ZNF354C: variants seen among roughly 807,000 people sequenced by gnomAD.
ZNF354C encodes KRAB-zinc finger protein synten.
A neutral mutation model predicts 12.4 loss-of-function variants in ZNF354C; 7 were observed. That is an observed-to-expected ratio of 0.56 (90% CI 0.32 to 1.06). ZNF354C has a LOEUF of 1.06. ZNF354C is among the 50% of genes least tolerant of loss of function. ZNF354C has a pLI of 0.04. For synonymous variants in ZNF354C, 202 were observed against 224.5 expected, an observed-to-expected ratio of 0.90 and a Z score of 0.90; for missense variants, 609 against 658.0, an observed-to-expected ratio of 0.93 and a Z score of 0.81.
At chr5:179,073,011 C>CA (rs1311000406) in intron 2 of ZNF354C, among the ~76,000 whole-genome samples, 2 of 151,804 alleles carry the variant, frequency 1.3e-5, no homozygotes, top group Non-Finnish European at 1.5e-5. Context: ...AGAGAAATCA[C>CA]AAAAAACAAA....
In ZNF354C at chr5:179,079,191, C is replaced by T. The variant is rs1450595105; in HGVS notation, c.759C>T (p.Phe253=). 6.2e-7 allele frequency: 1 copy of T among 1,613,908 alleles called. No homozygotes were observed. The highest frequency in any genetic ancestry group is 2.2e-5 in the East Asian group (1 of 44,882). Residue 253 remains phenylalanine (F), a synonymous_variant, in exon 5 of 5, where the codon TTC becomes TTT. Transcript: ENST00000315475. This position sits in a 1 kb window ranked among gnomAD's most constrained non-coding sequence, Gnocchi z 4.2. The part of the protein sequence containing the change: ...PYKCNECEKT[F]SHRSSLLSHQ... ...AATGTAATGAGTGTGAAAAAACCTT[C>T]AGCCACAGATCATCCCTTCTTTCTC...
chr5:179,072,155 C>T (rs1005509527), intron 2 of ZNF354C, among the ~76,000 whole-genome samples: 23 of 152,008 alleles, frequency 1.5e-4, no homozygotes, highest in African/African-American at 5.1e-4. Context: ...ACTACTATAA[C>T]TGTGCTCAAG....
At chr5:179,073,816 T>G (rs1359320380) in intron 2 of ZNF354C, among the ~76,000 whole-genome samples, 1 of 151,692 alleles carries the variant, frequency 6.6e-6, no homozygotes, top group Non-Finnish European at 1.5e-5. Flanking sequence ...CAACCAAGCC[T>G]GGCTAATTTT....
chr5:179,067,338 A>C (rs986948777), intron 2 of ZNF354C, among the ~76,000 whole-genome samples: 1 of 152,342 alleles, frequency 6.6e-6, no homozygotes, highest in East Asian at 1.9e-4. Flanking sequence ...ACTAGGCTCC[A>C]AAAGTGAGCA....
intron 3 of ZNF354C, 51 bp from the exon 4 acceptor site, chr5:179,077,020 G>T: frequency 1.3e-6 from 2 of 1,511,712 alleles, no homozygotes; most frequent in South Asian, 2.3e-5. Flanking sequence ...TCAGTTCTAG[G>T]ATTGGTCTTC....
Position 179,078,971 on chromosome 5 carries a change from G to C in ZNF354C, c.539G>C (p.Ser180Thr). 1 of 1,614,006 alleles carries C rather than the reference G, an allele frequency of 6.2e-7. No individual in the cohort carries two copies. The highest frequency in any genetic ancestry group is 8.5e-7 in the Non-Finnish European group (1 of 1,179,990). Residue 180 changes from serine (S) to threonine (T), a missense_variant, in exon 5 of 5, where the codon AGT becomes ACT. Physicochemically the swap from Ser to Thr is moderately conservative, Grantham distance 58. Transcript: ENST00000315475. ...FTNTALVTQQ[S>T]VPIERIPNMY... ...AATACAGCTCTTGTCACACAACAGA[G>C]TGTTCCTATAGAAAGGATACCCAAT...
At position 179,080,308 on chromosome 5, in the gene ZNF354C, T is replaced by A. The variant is rs1402517821; in HGVS notation, c.*211T>A. 1 of 331,078 alleles carries A rather than the reference T, an allele frequency of 3.0e-6. No individual in the cohort carries two copies. The highest frequency in any genetic ancestry group is 2.1e-5 in the African/African-American group (1 of 46,838). 20.5% of individuals were successfully genotyped at this position (331,078 alleles called of 1,614,324 possible). On this transcript the variant is annotated 3_prime_UTR_variant, in exon 5 of 5. Coordinates refer to ENST00000315475, the MANE Select transcript of ZNF354C (RefSeq NM_014594.3). ...ATAAATTCTAAGGTATCTAAAAACC[T>A]ATGAGTATTTAATTCATAGAAAAAA...
chr5:179,061,920 T>C (rs1761899434), intron 1 of ZNF354C, 95 bp from the exon 2 acceptor site: 2 of 865,142 alleles, frequency 2.3e-6, no homozygotes, highest in Non-Finnish European at 3.9e-6. Context: ...GGTGGCTTTT[T>C]TGAGACCTGA....
intron 2 of ZNF354C, 122 bp from the exon 3 acceptor site, chr5:179,076,323 A>G: frequency 2.1e-6 from 3 of 1,447,794 alleles, no homozygotes. Context: ...AAAATTACGT[A>G]AACAGTTGAC....
rs1333119256 is a variant in ZNF354C, at chr5:179,081,578, TG to T, written c.*1483del. On this transcript the variant is annotated 3_prime_UTR_variant, in exon 5 of 5. Coordinates refer to ENST00000315475, the MANE Select transcript of ZNF354C (RefSeq NM_014594.3). ...CAGTATAGTATATTTCTTAACCGAC[TG>T]GTTTTAGCTTATCAGAAAGTAATTA... The T allele has an allele frequency of 6.6e-6, 1 of 152,222 alleles. No individual in the cohort carries two copies. The allele number at this position is 152,222 out of a possible 1,614,324, so 9.4% of individuals were successfully genotyped here. A position where few individuals can be genotyped will look rare whatever the true frequency, so the allele number is the denominator to read the frequency against.
chr5:179,077,546 G>A (rs941520547), intron 4 of ZNF354C, among the ~76,000 whole-genome samples: 1 of 152,140 alleles, frequency 6.6e-6, no homozygotes, highest in Non-Finnish European at 1.5e-5. Flanking sequence ...TACAAAGAGA[G>A]TGCAGTCTTT....
In ZNF354C at chr5:179,082,448, G is replaced by T; in HGVS notation, c.*2351G>T. On this transcript the variant is annotated 3_prime_UTR_variant, in exon 5 of 5. Coordinates refer to ENST00000315475, the MANE Select transcript of ZNF354C (RefSeq NM_014594.3). ...GAAATAAATAGACAAGTCCAGAGTT[G>T]GTATAGGACAACTGGACTTTTTTTT... 1 of 502,818 alleles carries T rather than the reference G, an allele frequency of 2.0e-6. No individual in the cohort carries two copies. Among genetic ancestry groups the T allele is most frequent in the Non-Finnish European group, 3.5e-6 (1 of 284,188 alleles). 31.1% of individuals were successfully genotyped at this position (502,818 alleles called of 1,614,324 possible).
At chr5:179,065,062 A>C (rs1441100268) in intron 2 of ZNF354C, among the ~76,000 whole-genome samples, 1 of 152,174 alleles carries the variant, frequency 6.6e-6, no homozygotes. Context: ...GTATTTTTAA[A>C]AAGAATAATC....
In ZNF354C at chr5:179,081,082, G is replaced by T. The variant is rs1168195494; in HGVS notation, c.*985G>T. ...CATTATAGGCTCGTTTCCAACCTGA[G>T]GTCCCAAGAGTACTATTTGTTTTGT... On this transcript the variant is annotated 3_prime_UTR_variant, in exon 5 of 5. Coordinates refer to ENST00000315475, the MANE Select transcript of ZNF354C (RefSeq NM_014594.3). 2 of 152,068 alleles carry T rather than the reference G, an allele frequency of 1.3e-5. No homozygotes were observed. The highest frequency in any genetic ancestry group is 1.3e-4 in the Admixed American group (2 of 15,254). The allele number at this position is 152,068 out of a possible 1,614,324, so 9.4% of individuals were successfully genotyped here. A position where few individuals can be genotyped will look rare whatever the true frequency, so the allele number is the denominator to read the frequency against.
intron 2 of ZNF354C, among the ~76,000 whole-genome samples, chr5:179,072,674 C>A (rs1489307596): frequency 2.0e-5 from 3 of 151,990 alleles, no homozygotes; most frequent in Non-Finnish European, 4.4e-5. Context: ...AGAATGCAAG[C>A]CACATACCTA....
intron 2 of ZNF354C, among the ~76,000 whole-genome samples, chr5:179,065,412 GTTTTTGTT>G (rs1218368107): frequency 3.0e-4 from 46 of 151,522 alleles, no homozygotes; most frequent in Admixed American, 2.6e-3. Context: ...TTTTGTTTTT[GTTTTTGTT>G]TTTTTGTTTT....
intron 1 of ZNF354C, among the ~76,000 whole-genome samples, chr5:179,061,715 A>G (rs1272215856): frequency 2.6e-5 from 4 of 152,030 alleles, no homozygotes; most frequent in Non-Finnish European, 5.9e-5. Context: ...CTGGATATTC[A>G]TTGCGACTTT....
Position 179,078,856 on chromosome 5 carries a change from C to T in ZNF354C, c.424C>T (p.Pro142Ser). The stretch of plus-strand genomic sequence containing the variant: ...GATAGAAGAAGAGCAAGAGAAGAAA[C>T]CTCTTAGACAAATGATAGATTCGCA... ...SEIEEEQEKK[P>S]LRQMIDSHEK... The change falls in exon 5 of 5, where the codon CCT (proline) becomes TCT (serine). Residue 142 changes from proline (P) to serine (S), a missense_variant. By Grantham distance (74) the Pro-to-Ser change is moderately conservative (BLOSUM62 -1). Coordinates refer to ENST00000315475, the MANE Select transcript of ZNF354C (RefSeq NM_014594.3). 6.2e-7 allele frequency: 1 copy of T among 1,614,024 alleles called. No homozygotes were observed.
intron 2 of ZNF354C, among the ~76,000 whole-genome samples, chr5:179,063,296 C>G (rs34775245): frequency 4.6e-5 from 7 of 152,182 alleles, no homozygotes; most frequent in Non-Finnish European, 1.0e-4. Context: ...CAGTAGCTCA[C>G]GCCTATAATC....
Sources: gnomAD v4.1 joint callset for allele counts (sites outside exome capture counted in the v4.1 genomes callset) on GRCh38, gnomAD v4.1.1 for gene constraint, Gnocchi (gnomAD v3.1) non-coding constraint, MANE v1.5 for transcripts, NCBI Gene and HGNC (gene_info 2026-07-23, HGNC 2026-07-21) for gene names.